The following WHRN variants were observed in gnomAD, a reference collection of about 807,000 sequenced individuals.
WHRN encodes the protein whirlin.
In WHRN, 41 loss-of-function variants were observed where a neutral mutation model predicts 68.3. The observed-to-expected ratio is 0.60, with a 90% CI of 0.47 to 0.78. The LOEUF (loss-of-function observed/expected upper bound fraction) is 0.78. WHRN is among the 30% of genes least tolerant of loss of function. The pLI, the probability that WHRN is intolerant of heterozygous loss-of-function variation, is 0.00. For missense variants in WHRN, 1,243 were observed against 1,244.7 expected, an observed-to-expected ratio of 1.00 and a Z score of 0.02; for synonymous variants, 560 against 561.3, an observed-to-expected ratio of 1.00 and a Z score of 0.03.
Position 114,402,649 on chromosome 9 carries a change from C to T in WHRN, c.*105G>A. 1 of 1,435,484 alleles carries T rather than the reference C, an allele frequency of 7.0e-7. No individual in the cohort carries two copies. The allele number at this position is 1,435,484 out of a possible 1,614,324, so 88.9% of individuals were successfully genotyped here. On this transcript the variant is annotated 3_prime_UTR_variant, in exon 12 of 12. Transcript: ENST00000362057. ...GGAGGGGGGATGTCTTCCTGCCACC[C>T]TGGCCATGCAGCCCCAACCCCGCAA...
chr9:114,435,889 T>A (rs777397228), intron 3 of WHRN, among the ~76,000 whole-genome samples: 12 of 73,864 alleles, frequency 1.6e-4, no homozygotes, highest in Non-Finnish European at 2.9e-4. Flanking sequence ...CACACACTTC[T>A]AAAACACTCT....
chr9:114,413,830 G>A (rs545092555), intron 7 of WHRN, among the ~76,000 whole-genome samples: 11 of 152,232 alleles, frequency 7.2e-5, no homozygotes, highest in African/African-American at 2.6e-4. Context: ...CCTGAGATGG[G>A]GCAGAAGTCA....
chr9:114,501,244 C>A (rs1843894771), intron 1 of WHRN, among the ~76,000 whole-genome samples: 1 of 152,138 alleles, frequency 6.6e-6, no homozygotes, highest in Non-Finnish European at 1.5e-5. Flanking sequence ...ATTAGTTTGG[C>A]TCCTGTTCAA....
At chr9:114,456,875 T>C (rs1839853908) in intron 3 of WHRN, among the ~76,000 whole-genome samples, 1 of 151,938 alleles carries the variant, frequency 6.6e-6, no homozygotes, top group South Asian at 2.1e-4. Context: ...AATGACTTTG[T>C]TTCTCCTAGG....
chr9:114,457,724 T>C (rs1409129497), intron 3 of WHRN, among the ~76,000 whole-genome samples: 1 of 152,084 alleles, frequency 6.6e-6, no homozygotes, highest in Non-Finnish European at 1.5e-5. Flanking sequence ...GAAACCCGCC[T>C]GGCCAACGTG....
At chr9:114,449,112 C>A (rs1242169771) in intron 3 of WHRN, among the ~76,000 whole-genome samples, 4 of 152,200 alleles carry the variant, frequency 2.6e-5, no homozygotes, top group African/African-American at 9.7e-5. Context: ...CACTGGTAAT[C>A]ATTTCCCTTA....
chr9:114,503,561 G>C (rs1168403047), intron 1 of WHRN: 1 of 152,566 alleles, frequency 6.6e-6, no homozygotes, highest in Non-Finnish European at 1.5e-5. Context: ...CAGGGGCTAG[G>C]GAATTTATTT....
intron 1 of WHRN, among the ~76,000 whole-genome samples, chr9:114,481,201 G>A (rs2133167901): frequency 6.6e-6 from 1 of 152,314 alleles, no homozygotes; most frequent in African/African-American, 2.4e-5. Flanking sequence ...TGCGGGAAGA[G>A]GCAAGTCCCT....
chr9:114,480,176 C>T (rs1434752559), intron 1 of WHRN, among the ~76,000 whole-genome samples: 2 of 152,084 alleles, frequency 1.3e-5, no homozygotes, highest in African/African-American at 2.4e-5. Flanking sequence ...ATGGAACCAC[C>T]GTGAGGAGAG....
intron 4 of WHRN, 78 bp from the exon 5 acceptor site, chr9:114,425,102 G>T: frequency 6.9e-7 from 1 of 1,447,552 alleles, no homozygotes; most frequent in Non-Finnish European, 9.7e-7. Context: ...GGGTGACTTG[G>T]GGCAGGAAGA....
chr9:114,501,693 T>G (rs1843944617), intron 1 of WHRN, among the ~76,000 whole-genome samples: 1 of 152,044 alleles, frequency 6.6e-6, no homozygotes, highest in African/African-American at 2.4e-5. Context: ...TTCTACTAAA[T>G]GCAATGTGGT....
At position 114,463,345 on chromosome 9, in the gene WHRN, C is replaced by T. The variant is rs183879481; in HGVS notation, c.963+2922G>A. ...TGCTTCATCTCTTTTCCTCTGCCCC[C>T]ATTTTCCTTCTCCCCAGTCTCCTCC... On this transcript the variant is annotated intron_variant, in intron 3 of 11. Coordinates refer to ENST00000362057, the MANE Select transcript of WHRN (RefSeq NM_015404.4). Among the ~76,000 whole-genome samples, 15 of 152,310 alleles carry T rather than the reference C, an allele frequency of 9.8e-5. No individual in the cohort carries two copies. In the East Asian group the frequency reaches 2.9e-3, roughly 29 times the overall value.
At chr9:114,485,108 C>T (rs1469081190) in intron 1 of WHRN, among the ~76,000 whole-genome samples, 3 of 152,156 alleles carry the variant, frequency 2.0e-5, no homozygotes, top group East Asian at 3.9e-4. Flanking sequence ...AGCAAGGACA[C>T]GTAATGATGA....
intron 1 of WHRN, among the ~76,000 whole-genome samples, chr9:114,497,080 C>T (rs182804121): frequency 6.6e-6 from 1 of 152,334 alleles, no homozygotes; most frequent in Admixed American, 6.5e-5. Flanking sequence ...ATTACCACTT[C>T]TAAGGCTCTA....
At chr9:114,475,810 C>A (rs1270306491) in intron 2 of WHRN, among the ~76,000 whole-genome samples, 2 of 152,128 alleles carry the variant, frequency 1.3e-5, no homozygotes, top group African/African-American at 2.4e-5. Flanking sequence ...GGTTTCCACA[C>A]TGTGTCAGGA....
At chr9:114,486,934 GTGTGTGT>G (rs1842549944) in intron 1 of WHRN, among the ~76,000 whole-genome samples, 2 of 78,280 alleles carry the variant, frequency 2.6e-5, no homozygotes, top group African/African-American at 8.0e-5. Flanking sequence ...TAGAGTGTGT[GTGTGTGT>G]TGTGTGTGTG....
At position 114,406,439 on chromosome 9, in the gene WHRN, T is replaced by A; in HGVS notation, c.2152A>T (p.Asn718Tyr). Residue 718 changes from asparagine to tyrosine, a missense_variant, in exon 9 of 12, where the codon AAC becomes TAC. Transcript: ENST00000362057. ...PSGHPDQTGT[N>Y]QHFVMVEVHR... is the part of the protein sequence containing the mutation. ...ACCTCCACCATGACAAAGTGCTGGT[T>A]TGTGCCTGTCTGGTCTGGGTGGCCA... The A allele has an allele frequency of 1.9e-6, 3 of 1,614,140 alleles. No individual in the cohort carries two copies. The highest frequency in any genetic ancestry group is 2.5e-6 in the Non-Finnish European group (3 of 1,180,040).
chr9:114,451,333 GC>G (rs1191459406), intron 3 of WHRN, among the ~76,000 whole-genome samples: 2 of 152,126 alleles, frequency 1.3e-5, no homozygotes, highest in Non-Finnish European at 2.9e-5. Context: ...ATGTTTTGGG[GC>G]AAGCTGCTTA....
chr9:114,486,977 A>G (rs1842585144), intron 1 of WHRN, among the ~76,000 whole-genome samples: 4 of 2,518 alleles, frequency 1.6e-3, no homozygotes, highest in African/African-American at 2.0e-3. Context: ...ATATATATAT[A>G]TATATATATA....
Sources: allele counts gnomAD v4.1 joint callset (sites outside exome capture counted in the v4.1 genomes callset), GRCh38; gene constraint gnomAD v4.1.1; transcripts MANE v1.5; gene names NCBI Gene and HGNC (gene_info 2026-07-23, HGNC 2026-07-21).